Variants in SUGCT observed in about 807,000 individuals in gnomAD.
SUGCT encodes succinyl-CoA:glutarate-CoA transferase.
A neutral mutation model predicts 55.0 loss-of-function variants in SUGCT; 41 were observed. That is an observed-to-expected ratio of 0.74 (90% CI 0.58 to 0.97). SUGCT has a LOEUF of 0.97. Ranked by LOEUF, SUGCT falls within the 50% of genes least tolerant of loss-of-function variation. The pLI is 0.00. For missense variants in SUGCT, 568 were observed against 547.8 expected (o/e 1.04, Z -0.37); for synonymous variants, 187 against 200.4 (o/e 0.93, Z 0.56).
chr7:40,607,144 A>G (rs1798569475), intron 12 of SUGCT, among the ~76,000 whole-genome samples: 1 of 149,732 alleles, frequency 6.7e-6, no homozygotes, highest in South Asian at 2.1e-4. Flanking sequence ...TCACTTTGTC[A>G]GCCAGGCTGG....
At chr7:40,341,432 A>C (rs4613890) in intron 9 of SUGCT, among the ~76,000 whole-genome samples, 108,826 of 152,060 alleles carry the variant, frequency 0.72, 39,346 homozygotes, top group East Asian at 0.99. Context: ...AAAAGTGTAG[A>C]ATGTATGCGC....
intron 12 of SUGCT, among the ~76,000 whole-genome samples, chr7:40,599,469 T>C (rs1798185175): frequency 6.6e-6 from 1 of 152,166 alleles, no homozygotes; most frequent in Non-Finnish European, 1.5e-5. Context: ...TGGAATGCCT[T>C]TCAGTCCTCC....
chr7:40,641,719 T>C (rs935594519), intron 12 of SUGCT, among the ~76,000 whole-genome samples: 1 of 152,198 alleles, frequency 6.6e-6, no homozygotes, highest in African/African-American at 2.4e-5. Context: ...GTGTAAAGGT[T>C]TCCCCTTTAT....
intron 6 of SUGCT, among the ~76,000 whole-genome samples, chr7:40,212,016 CT>C (rs1435455241): frequency 6.6e-6 from 1 of 152,192 alleles, no homozygotes; most frequent in African/African-American, 2.4e-5. Flanking sequence ...TTATCCCCAC[CT>C]TTAGGCCATG....
chr7:40,954,977 G>T, the SUGCT span, among the ~76,000 whole-genome samples: 1 of 152,196 alleles, frequency 6.6e-6, no homozygotes, highest in African/African-American at 2.4e-5. Context: ...TGAGGTCTCT[G>T]TTCTGTTCAA....
intron 1 of SUGCT, among the ~76,000 whole-genome samples, chr7:40,143,315 A>G (rs1320056548): frequency 1.3e-5 from 2 of 152,212 alleles, no homozygotes; most frequent in East Asian, 1.9e-4. Flanking sequence ...AGGAATGCCA[A>G]ATTTTTCCCT....
intron 9 of SUGCT, among the ~76,000 whole-genome samples, chr7:40,340,150 A>G (rs967428292): frequency 6.6e-6 from 1 of 152,210 alleles, no homozygotes; most frequent in Admixed American, 6.5e-5. Context: ...AACAAATAGT[A>G]GTAAGTAGTA....
chr7:40,747,408 T>G (rs1028411943), intron 12 of SUGCT, among the ~76,000 whole-genome samples: 1 of 152,200 alleles, frequency 6.6e-6, no homozygotes, highest in Non-Finnish European at 1.5e-5. Context: ...AAATTTGAGC[T>G]CTCTCTCCGA....
chr7:40,172,084 A>G (rs1214581712), intron 1 of SUGCT, among the ~76,000 whole-genome samples: 1 of 152,068 alleles, frequency 6.6e-6, no homozygotes, highest in Non-Finnish European at 1.5e-5. Flanking sequence ...ATTTGCCACT[A>G]TAGGAATGTG....
chr7:40,184,541 C>T (rs1215204870), intron 3 of SUGCT, among the ~76,000 whole-genome samples: 1 of 151,910 alleles, frequency 6.6e-6, no homozygotes, highest in African/African-American at 2.4e-5. Flanking sequence ...CTATGTTGCC[C>T]AGGCTGGTCT....
At chr7:40,903,618 G>C in the SUGCT span, among the ~76,000 whole-genome samples, 2 of 152,222 alleles carry the variant, frequency 1.3e-5, no homozygotes, top group Admixed American at 1.3e-4. Flanking sequence ...AACAACAAAA[G>C]CTTCATTTTA....
Position 40,227,620 on chromosome 7 carries a change from A to T in SUGCT, c.485-10015A>T, listed in dbSNP as rs1057462281. Reference sequence around the variant, plus strand: ...AATGTCAACTTTATTTTATAAAAAAATTTTTAATTGATATATAATAGTTGT... The same window carrying T: ...AATGTCAACTTTATTTTATAAAAAATTTTTTAATTGATATATAATAGTTGT... On this transcript the variant is annotated intron_variant, in intron 6 of 13. Coordinates refer to ENST00000335693, the MANE Select transcript of SUGCT (RefSeq NM_001193313.2). 4.6e-5 allele frequency among the ~76,000 whole-genome samples: 7 copies of T among 152,170 alleles called. No individual in the cohort carries two copies. In the East Asian group the frequency reaches 7.7e-4, roughly 17 times the overall value.
chr7:40,968,592 A>G, the SUGCT span, among the ~76,000 whole-genome samples: 1 of 152,246 alleles, frequency 6.6e-6, no homozygotes, highest in Non-Finnish European at 1.5e-5. Context: ...TGAAGCCTCT[A>G]GAAGAGACAT....
At chr7:40,171,657 A>G (rs1480224937) in intron 1 of SUGCT, among the ~76,000 whole-genome samples, 13 of 152,218 alleles carry the variant, frequency 8.5e-5, no homozygotes. Context: ...TGTGCTCACA[A>G]TGAGGTTTCC....
chr7:40,135,158 C>A, intron 1 of SUGCT, 38 bp downstream of exon 1: 1 of 1,513,672 alleles, frequency 6.6e-7, no homozygotes, highest in Middle Eastern at 1.7e-4. Flanking sequence ...CTAAAGGGAT[C>A]CCTGCCCCAG....
At position 40,444,464 on chromosome 7, in the gene SUGCT, C is replaced by T. The variant is rs554048741; in HGVS notation, c.817-4823C>T. 4.6e-3 allele frequency among the ~76,000 whole-genome samples: 694 copies of T among 152,084 alleles called. 15 individuals are homozygous for T. In the South Asian group the frequency reaches 0.06, roughly 13 times the overall value. On this transcript the variant is annotated intron_variant, in intron 9 of 13. Coordinates refer to ENST00000335693, the MANE Select transcript of SUGCT (RefSeq NM_001193313.2). Reference sequence around the variant, plus strand: ...ATCCCTTGTAAGTTGGATTCCTAGGCATTTTATTCTCTTTGAAGCAATTGT... The same window carrying T: ...ATCCCTTGTAAGTTGGATTCCTAGGTATTTTATTCTCTTTGAAGCAATTGT...
intron 13 of SUGCT, among the ~76,000 whole-genome samples, chr7:40,761,586 T>G (rs1478630475): frequency 6.6e-6 from 1 of 152,208 alleles, no homozygotes; most frequent in Non-Finnish European, 1.5e-5. Context: ...CTTTGACATT[T>G]CTCAGAAGCA....
At chr7:40,847,141 G>T (rs1192689121) in intron 13 of SUGCT, among the ~76,000 whole-genome samples, 1 of 152,176 alleles carries the variant, frequency 6.6e-6, no homozygotes, top group African/African-American at 2.4e-5. Context: ...GTCCAGGCAA[G>T]TGGGTCTCTA....
chr7:41,025,834 C>T, the SUGCT span, among the ~76,000 whole-genome samples: 1 of 152,108 alleles, frequency 6.6e-6, no homozygotes, highest in Admixed American at 6.6e-5. Context: ...AGATTTTTAA[C>T]CTGAGTTCAG....
Sources: gnomAD v4.1 joint callset for allele counts (sites outside exome capture counted in the v4.1 genomes callset) on GRCh38, gnomAD v4.1.1 for gene constraint, MANE v1.5 for transcripts, NCBI Gene and HGNC (gene_info 2026-07-23, HGNC 2026-07-21) for gene names.